The following EDIL3 variants were observed in gnomAD, a reference collection of about 807,000 sequenced individuals.
The protein encoded by EDIL3 is EGF like and discoidin domains 3, also known as EGF-like repeat and discoidin I-like domain-containing protein 3.
EDIL3 carries 37 observed loss-of-function variants against 67.4 expected under a neutral mutation model. The ratio of observed to expected loss-of-function variants is 0.55; its 90% CI spans 0.42 to 0.72. EDIL3 has a LOEUF of 0.72. EDIL3 is among the 30% of genes least tolerant of loss of function. The pLI, the probability that EDIL3 is intolerant of heterozygous loss-of-function variation, is 0.00. For missense variants in EDIL3, 527 were observed against 586.3 expected, an observed-to-expected ratio of 0.90 and a Z score of 1.04; for synonymous variants, 195 against 196.3, an observed-to-expected ratio of 0.99 and a Z score of 0.05.
rs1020032233 is a variant in EDIL3 at position 84,055,033 on chromosome 5, A to G, written c.1137+5267T>C. Among the ~76,000 whole-genome samples the G allele has an allele frequency of 9.6e-5, 14 of 146,270 alleles. 2 individuals carry two copies. Among genetic ancestry groups the G allele is most frequent in the Admixed American group, 2.7e-4 (4 of 14,906 alleles). ...CTAAGCCAAAAGAACAAAGCTGGAG[A>G]CATCACGCTACCTGACTTCAAACTG... On this transcript the variant is annotated intron_variant, in intron 9 of 10. Transcript: ENST00000296591.
At chr5:84,078,201 T>A (rs1213033654) in intron 6 of EDIL3, among the ~76,000 whole-genome samples, 1 of 152,116 alleles carries the variant, frequency 6.6e-6, no homozygotes, top group Non-Finnish European at 1.5e-5. Flanking sequence ...CACACACATA[T>A]CTATTGTAAT....
At chr5:84,212,746 A>G (rs930583204) in intron 3 of EDIL3, among the ~76,000 whole-genome samples, 1 of 152,174 alleles carries the variant, frequency 6.6e-6, no homozygotes, top group Non-Finnish European at 1.5e-5. Flanking sequence ...AACATGTGTG[A>G]CCTGGAATAG....
At chr5:84,069,469 G>A (rs990297793) in intron 6 of EDIL3, among the ~76,000 whole-genome samples, 10 of 151,966 alleles carry the variant, frequency 6.6e-5, no homozygotes, top group Non-Finnish European at 1.3e-4. Flanking sequence ...TAAAATATGT[G>A]AATATTATAT....
intron 9 of EDIL3, among the ~76,000 whole-genome samples, chr5:83,983,168 C>G (rs554623397): frequency 1.3e-5 from 2 of 152,224 alleles, no homozygotes; most frequent in South Asian, 4.1e-4. Context: ...TTTATAGTCT[C>G]TTTAGTATAT....
At chr5:84,232,028 C>G (rs1312139791) in intron 2 of EDIL3, among the ~76,000 whole-genome samples, 1 of 152,122 alleles carries the variant, frequency 6.6e-6, no homozygotes, top group African/African-American at 2.4e-5. Flanking sequence ...TGTGTGAGTT[C>G]AATTTGAATT....
At chr5:84,151,264 T>TACACAC (rs201338208) in intron 4 of EDIL3, among the ~76,000 whole-genome samples, 3,029 of 129,536 alleles carry the variant, frequency 0.023, 77 homozygotes, top group African/African-American at 0.064. Flanking sequence ...CACACGCACA[T>TACACAC]ACACACACAC....
chr5:84,308,915 C>T (rs933913853), intron 1 of EDIL3, among the ~76,000 whole-genome samples: 1 of 152,138 alleles, frequency 6.6e-6, no homozygotes, highest in Non-Finnish European at 1.5e-5. Flanking sequence ...AATTCCATCA[C>T]CAATCACTCA....
intron 9 of EDIL3, among the ~76,000 whole-genome samples, chr5:83,965,825 TTAAA>T (rs1259756679): frequency 6.6e-6 from 1 of 152,050 alleles, no homozygotes; most frequent in Non-Finnish European, 1.5e-5. Context: ...CCTTCTCCAC[TTAAA>T]TAGTCAGCAA....
intron 2 of EDIL3, among the ~76,000 whole-genome samples, chr5:84,253,450 T>C (rs1745071588): frequency 6.6e-6 from 1 of 152,192 alleles, no homozygotes; most frequent in South Asian, 2.1e-4. Flanking sequence ...AGCTATTTCC[T>C]TAATGGGGAC....
At chr5:84,352,545 C>A (rs1169396657) in intron 1 of EDIL3, among the ~76,000 whole-genome samples, 2 of 152,014 alleles carry the variant, frequency 1.3e-5, no homozygotes, top group Non-Finnish European at 2.9e-5. Context: ...ACTCACAAAC[C>A]AAAATTCAAA....
intron 10 of EDIL3, among the ~76,000 whole-genome samples, chr5:83,947,603 T>C (rs1260774062): frequency 6.6e-6 from 1 of 151,804 alleles, no homozygotes; most frequent in Non-Finnish European, 1.5e-5. Flanking sequence ...CTCAGAGATC[T>C]GCTATCAATA....
intron 3 of EDIL3, among the ~76,000 whole-genome samples, chr5:84,205,592 CT>C (rs1280061168): frequency 9.2e-5 from 14 of 152,006 alleles, no homozygotes; most frequent in Non-Finnish European, 1.5e-5. Flanking sequence ...ATTTCAGATC[CT>C]GTTATTGGTC....
rs140458245 is a variant in EDIL3 at position 84,058,072 on chromosome 5, A to T, written c.1137+2228T>A. On this transcript the variant is annotated intron_variant, in intron 9 of 10. Coordinates refer to ENST00000296591, the MANE Select transcript of EDIL3 (RefSeq NM_005711.5). Reference sequence around the variant, plus strand: ...GGTATATCCGAACTGAAGCTGAAGGATTTAAATATAACAGAAGGCAGATAA... The same window carrying T: ...GGTATATCCGAACTGAAGCTGAAGGTTTTAAATATAACAGAAGGCAGATAA... Among the ~76,000 whole-genome samples the T allele has an allele frequency of 4.7e-4, 71 of 152,268 alleles. No individual in the cohort carries two copies. The East Asian group carries it at 0.013, about 28-fold the overall frequency.
At chr5:84,096,836 A>G (rs1747273233) in intron 6 of EDIL3, among the ~76,000 whole-genome samples, 1 of 152,170 alleles carries the variant, frequency 6.6e-6, no homozygotes, top group African/African-American at 2.4e-5. Context: ...CCAGTGAAAG[A>G]TAAGTGAATC....
intron 1 of EDIL3, among the ~76,000 whole-genome samples, chr5:84,256,856 G>A (rs1745132525): frequency 6.6e-6 from 1 of 152,100 alleles, no homozygotes; most frequent in Admixed American, 6.5e-5. Flanking sequence ...CCTTCATAGA[G>A]GTGGCTACAG....
At chr5:84,200,381 C>T (rs1001111919) in intron 3 of EDIL3, among the ~76,000 whole-genome samples, 4 of 151,514 alleles carry the variant, frequency 2.6e-5, no homozygotes, top group Admixed American at 1.3e-4. Flanking sequence ...TTTCAATAAA[C>T]CAAACTTGAC....
At chr5:84,081,213 G>A (rs1251627611) in intron 6 of EDIL3, among the ~76,000 whole-genome samples, 2 of 152,050 alleles carry the variant, frequency 1.3e-5, no homozygotes, top group Non-Finnish European at 2.9e-5. Context: ...CCACTATATT[G>A]TACTCATCTC....
intron 1 of EDIL3, among the ~76,000 whole-genome samples, chr5:84,338,589 C>G (rs910031408): frequency 6.6e-6 from 1 of 152,118 alleles, no homozygotes; most frequent in African/African-American, 2.4e-5. Flanking sequence ...TAACTAGGAA[C>G]TAACATGCTG....
intron 3 of EDIL3, among the ~76,000 whole-genome samples, chr5:84,215,667 G>A (rs903155070): frequency 2.6e-5 from 4 of 152,298 alleles, no homozygotes; most frequent in African/African-American, 7.2e-5. Flanking sequence ...CTCTGAGAAT[G>A]CACCTTCATG....
Sources: allele counts gnomAD v4.1 joint callset (sites outside exome capture counted in the v4.1 genomes callset), GRCh38; gene constraint gnomAD v4.1.1; transcripts MANE v1.5; gene names NCBI Gene and HGNC (gene_info 2026-07-23, HGNC 2026-07-21).